The following DNAAF5 variants were observed in gnomAD, a reference collection of about 807,000 sequenced individuals.
DNAAF5 encodes HEAT repeat containing 2.
DNAAF5 carries 64 observed loss-of-function variants against 75.8 expected under a neutral mutation model. The ratio of observed to expected loss-of-function variants is 0.84; its 90% confidence interval spans 0.69 to 1.04. The LOEUF (loss-of-function observed/expected upper bound fraction) is 1.04. Among genes scored for constraint, DNAAF5 ranks in the 50% least tolerant of loss-of-function variants. The pLI is 0.00. For synonymous variants in DNAAF5, 657 were observed against 557.2 expected (o/e 1.18, Z -2.52); for missense variants, 1,269 against 1,178.5 (o/e 1.08, Z -1.12).
At chr7:729,533 C>T in intron 1 of DNAAF5, 130 bp from the exon 2 acceptor site, 1 of 807,868 alleles carries the variant, frequency 1.2e-6, no homozygotes, top group Non-Finnish European at 2.0e-6. Flanking sequence ...GTTCATGCAG[C>T]AAGGACCTGG....
intron 2 of DNAAF5, among the ~76,000 whole-genome samples, chr7:738,181 TAGTC>T (rs1275825167): frequency 2.0e-5 from 3 of 152,230 alleles, no homozygotes; most frequent in African/African-American, 2.4e-5. Flanking sequence ...TTCTTCCACA[TAGTC>T]AGTTCTGCTG....
rs1306907403 is a variant in DNAAF5 at position 763,893 on chromosome 7, G to A, written c.1702G>A (p.Glu568Lys). The A allele has an allele frequency of 1.2e-6, 2 of 1,612,938 alleles. No homozygotes were observed. Among genetic ancestry groups the A allele is most frequent in the Admixed American group, 1.7e-5 (1 of 60,032 alleles). Residue 568 changes from glutamate to lysine, a missense_variant, in exon 8 of 13, where the codon GAG (glutamate) becomes AAG (lysine). Coordinates refer to ENST00000297440, the MANE Select transcript of DNAAF5 (RefSeq NM_017802.4). Reference sequence around the variant, plus strand: ...CCGCAAGCACATTGGTCCCCTCCTGGAGCGGGTGACCGCGTCGCACCTTGA... The same window carrying A: ...CCGCAAGCACATTGGTCCCCTCCTGAAGCGGGTGACCGCGTCGCACCTTGA... ...LYRKHIGPLL[E>K]RVTASHLDWT...
intron 6 of DNAAF5, among the ~76,000 whole-genome samples, chr7:760,085 AGCTCTGAGGGAGACG>A (rs1562390124): frequency 1.7e-4 from 2 of 11,472 alleles, no homozygotes; most frequent in Admixed American, 1.0e-3. Flanking sequence ...CGGCTCCTCC[AGCTCTGAGGGAGACG>A]GGGCCGCGCG....
chr7:784,402 C>A (rs1182053034), intron 12 of DNAAF5, among the ~76,000 whole-genome samples: 1 of 152,200 alleles, frequency 6.6e-6, no homozygotes, highest in East Asian at 1.9e-4. Flanking sequence ...GGCTCAGTGG[C>A]CATCTGTCCT....
At chr7:761,195 C>T (rs1313530311) in intron 6 of DNAAF5, among the ~76,000 whole-genome samples, 3 of 152,228 alleles carry the variant, frequency 2.0e-5, no homozygotes, top group Admixed American at 1.3e-4. Context: ...GTTCAGTTTT[C>T]CCATCAACAA....
chr7:743,505 G>A (rs1421562993), intron 4 of DNAAF5, among the ~76,000 whole-genome samples: 6 of 152,174 alleles, frequency 3.9e-5, no homozygotes, highest in East Asian at 3.9e-4. Flanking sequence ...CCTCCCGGTC[G>A]GCATTCTCCA....
intron 8 of DNAAF5, among the ~76,000 whole-genome samples, chr7:765,530 C>T (rs1782793096): frequency 1.3e-5 from 2 of 152,154 alleles, no homozygotes; most frequent in Non-Finnish European, 2.9e-5. Context: ...GGTGGCTTCT[C>T]CACCATCTGT....
intron 7 of DNAAF5, among the ~76,000 whole-genome samples, chr7:762,594 T>A (rs1167205493): frequency 6.6e-6 from 1 of 152,006 alleles, no homozygotes; most frequent in Non-Finnish European, 1.5e-5. Context: ...TTCTCGCCCA[T>A]GGGCTCCCTG....
chr7:730,622 G>A (rs537227335), intron 2 of DNAAF5, among the ~76,000 whole-genome samples: 13 of 152,290 alleles, frequency 8.5e-5, no homozygotes, highest in Admixed American at 6.5e-4. Flanking sequence ...TCGCTCCCTC[G>A]TCTGTGCTGC....
rs201998366 is a variant in DNAAF5 at position 754,627 on chromosome 7, A to G, written c.1063A>G (p.Arg355Gly). Residue 355 changes from arginine (R) to glycine (G), a missense_variant, in exon 5 of 13, where the codon AGG (arginine) becomes GGG (glycine). Transcript: ENST00000297440. The surrounding 1 kb of genome is among the most constrained non-coding windows in gnomAD (Gnocchi z 4.8). The stretch of plus-strand genomic sequence containing the variant: ...GCTGGGCTGCCGGGAGCTCGTCTTC[A>G]GGAACCTCTCCAAGATCCTCCCTGC... ...PVLGCRELVF[R>G]NLSKILPALC... 3.7e-4 allele frequency: 592 copies of G among 1,614,090 alleles called. No homozygotes were observed. The highest frequency in any genetic ancestry group is 4.3e-4 in the Non-Finnish European group (504 of 1,180,004).
At chr7:773,145 C>T (rs960325392) in intron 9 of DNAAF5, among the ~76,000 whole-genome samples, 1 of 152,096 alleles carries the variant, frequency 6.6e-6, no homozygotes, top group Non-Finnish European at 1.5e-5. Flanking sequence ...GTCACGGTGC[C>T]GAAAATGGCA....
chr7:768,092 TCGCG>T, intron 8 of DNAAF5, among the ~76,000 whole-genome samples: 1 of 140,374 alleles, frequency 7.1e-6, no homozygotes, highest in Non-Finnish European at 1.5e-5. Context: ...GAGCGGGAGC[TCGCG>T]CTGGGAGCGG....
Position 726,835 on chromosome 7 carries a change from G to A in DNAAF5, c.115G>A (p.Glu39Lys). The change falls in exon 1 of 13, where the codon GAG becomes AAG. Residue 39 changes from glutamate to lysine, a missense_variant. Glu to Lys is a moderately conservative substitution (Grantham distance 56). Transcript: ENST00000297440. ...RALSRLLPGL[E>K]ADSKPGRRRA... is the part of the protein sequence containing the mutation. ...CCTGAGCCGCCTGCTGCCGGGGCTG[G>A]AGGCCGACAGCAAGCCGGGCCGGCG... 1 of 1,328,570 alleles carries A rather than the reference G, an allele frequency of 7.5e-7. No individual in the cohort carries two copies. The highest frequency in any genetic ancestry group is 9.6e-7 in the Non-Finnish European group (1 of 1,042,022). 82.3% of individuals were successfully genotyped at this position (1,328,570 alleles called of 1,614,324 possible).
intron 12 of DNAAF5, among the ~76,000 whole-genome samples, chr7:780,960 G>C (rs945747962): frequency 6.6e-6 from 1 of 151,964 alleles, no homozygotes; most frequent in African/African-American, 2.4e-5. Flanking sequence ...TGTGATACAG[G>C]CATGCAGTGT....
Position 727,253 on chromosome 7 carries a change from C to T in DNAAF5, c.533C>T (p.Pro178Leu). ...LRALRCSLLD[P>L]FAAVRRESCS... ...GCGCTGCGCTGCTCCCTGCTCGACC[C>T]CTTCGCCGCCGTGCGCCGCGAGAGC... Residue 178 changes from proline to leucine, a missense_variant, in exon 1 of 13, where the codon CCC becomes CTC. Coordinates refer to ENST00000297440, the MANE Select transcript of DNAAF5 (RefSeq NM_017802.4). 8.2e-6 allele frequency: 11 copies of T among 1,339,974 alleles called. No homozygotes were observed. Among genetic ancestry groups the T allele is most frequent in the Admixed American group, 3.7e-5 (1 of 27,064 alleles). The allele number at this position is 1,339,974 out of a possible 1,614,324, so 83.0% of individuals were successfully genotyped here. A position where few individuals can be genotyped will look rare whatever the true frequency, so the allele number is the denominator to read the frequency against.
intron 6 of DNAAF5, among the ~76,000 whole-genome samples, chr7:759,454 A>T (rs1394353494): frequency 6.6e-6 from 1 of 152,218 alleles, no homozygotes; most frequent in Non-Finnish European, 1.5e-5. Context: ...CTTCTCACAC[A>T]GGGAAGCCAG....
intron 4 of DNAAF5, among the ~76,000 whole-genome samples, chr7:745,579 A>C (rs1168457850): frequency 6.6e-6 from 1 of 152,138 alleles, no homozygotes; most frequent in Non-Finnish European, 1.5e-5. Flanking sequence ...GTGCACACCC[A>C]TATACACATC....
At chr7:747,332 C>T (rs867001285) in intron 4 of DNAAF5, among the ~76,000 whole-genome samples, 12 of 152,204 alleles carry the variant, frequency 7.9e-5, no homozygotes, top group South Asian at 6.2e-4. Context: ...TGTTGGCACA[C>T]GGTGTTGGTG....
At chr7:781,718 T>A (rs1442018468) in intron 12 of DNAAF5, among the ~76,000 whole-genome samples, 1 of 152,230 alleles carries the variant, frequency 6.6e-6, no homozygotes, top group African/African-American at 2.4e-5. Context: ...CTCACTTGTT[T>A]CTATGTGCAT....
Sources: gnomAD v4.1 joint callset for allele counts (sites outside exome capture counted in the v4.1 genomes callset) on GRCh38, gnomAD v4.1.1 for gene constraint, Gnocchi (gnomAD v3.1) non-coding constraint, MANE v1.5 for transcripts, NCBI Gene and HGNC (gene_info 2026-07-23, HGNC 2026-07-21) for gene names.